Variants in RASGEF1B observed in about 807,000 individuals in gnomAD.
The protein encoded by RASGEF1B is ras-GEF domain-containing family member 1B.
Under a neutral mutation model 65.7 loss-of-function variants are expected in RASGEF1B, and 30 were observed. The ratio of observed to expected loss-of-function variants is 0.46; its 90% CI spans 0.34 to 0.62. RASGEF1B has a LOEUF of 0.62. Ranked by LOEUF, RASGEF1B falls within the 20% of genes least tolerant of loss-of-function variation. RASGEF1B has a pLI of 0.01. For synonymous variants in RASGEF1B, 175 were observed against 194.8 expected (o/e 0.90, Z 0.85); for missense variants, 495 against 580.1 (o/e 0.85, Z 1.51).
At chr4:81,440,807 A>G (rs375570820) in intron 10 of RASGEF1B, 27 bp downstream of exon 10, 14 of 1,458,064 alleles carry the variant, frequency 9.6e-6, no homozygotes, top group Non-Finnish European at 1.3e-5. Context: ...ACTCTACCAT[A>G]AGAAAGATAC....
At chr4:81,456,585 G>T in intron 4 of RASGEF1B, 66 bp downstream of exon 4, 1 of 1,571,908 alleles carries the variant, frequency 6.4e-7, no homozygotes, top group Non-Finnish European at 8.7e-7. Context: ...TGCATAATTC[G>T]GCACCATTTC....
rs202235333 is a variant in RASGEF1B at position 81,466,769 on chromosome 4, AAAAAG to A, written c.-7+4996_-7+5000del. Among the ~76,000 whole-genome samples, 1,080 of 132,704 alleles carry A rather than the reference AAAAAG, an allele frequency of 8.1e-3. 13 individuals carry two copies. The highest frequency in any genetic ancestry group is 0.074 in the East Asian group (326 of 4,398). 87.1% of individuals were successfully genotyped at this position (132,704 alleles called of 152,430 possible). On this transcript the variant is annotated intron_variant, in intron 1 of 13. Coordinates refer to ENST00000264400, the MANE Select transcript of RASGEF1B (RefSeq NM_152545.3). ...GCAAGCCTCCATGTCAAAAAAAAAA[AAAAAG>A]AAAGAAAGAAAGAAAGAAAGAAAGA... is the stretch of plus-strand genomic sequence containing the variant.
Position 81,440,837 on chromosome 4 carries a change from T to C in RASGEF1B, c.1101A>G (p.Glu367=), listed in dbSNP as rs777512580. 6.3e-7 allele frequency: 1 copy of C among 1,594,882 alleles called. No homozygotes were observed. Among genetic ancestry groups the C allele is most frequent in the Non-Finnish European group, 8.6e-7 (1 of 1,164,400 alleles). ...AGATACTTCTTTAAGTGCATACCTT[T>C]TCTCTACTACTATGAGCAGTTAAAG... ...QRSLTAHSSR[E]KIVIPFFSLL... Residue 367 remains glutamate (E), a synonymous_variant, in exon 10 of 14, where the codon GAA becomes GAG. Transcript: ENST00000264400.
chr4:81,429,435 CT>C (rs1250867301), intron 13 of RASGEF1B, among the ~76,000 whole-genome samples: 9 of 152,114 alleles, frequency 5.9e-5, no homozygotes, highest in Non-Finnish European at 1.2e-4. Flanking sequence ...AGCACGGTCC[CT>C]TTAAATGATA....
intron 4 of RASGEF1B, chr4:81,453,186 G>A (rs1722325684): frequency 2.6e-5 from 4 of 152,138 alleles, no homozygotes; most frequent in African/African-American, 9.7e-5. Context: ...TGAGCTAGGA[G>A]TTAAGGATGC....
At chr4:81,437,132 C>T (rs955653359) in intron 10 of RASGEF1B, among the ~76,000 whole-genome samples, 13 of 152,302 alleles carry the variant, frequency 8.5e-5, no homozygotes, top group Middle Eastern at 3.4e-3. Context: ...CAAAAAATTT[C>T]GCTTCAGAAT....
chr4:81,426,963 G>T lies in RASGEF1B; in HGVS notation c.*805C>A, dbSNP rs1012439906. 1.1e-5 allele frequency: 1 copy of T among 94,972 alleles called. No homozygotes were observed. The highest frequency in any genetic ancestry group is 1.9e-5 in the Non-Finnish European group (1 of 51,482). 5.9% of individuals were successfully genotyped at this position (94,972 alleles called of 1,614,324 possible). A position where few individuals can be genotyped will look rare whatever the true frequency, so the allele number is the denominator to read the frequency against. ...CATCTGTGGAACACAGTGGTCAGTTGTAAACAGCTCAGAAGAGCAAAAAAA... is the reference window on the plus strand; with the variant it reads ...CATCTGTGGAACACAGTGGTCAGTTTTAAACAGCTCAGAAGAGCAAAAAAA... On this transcript the variant is annotated 3_prime_UTR_variant, in exon 14 of 14. Coordinates refer to ENST00000264400, the MANE Select transcript of RASGEF1B (RefSeq NM_152545.3).
chr4:81,466,817 A>AGAAAGAAAGGAAG (rs1553947168), intron 1 of RASGEF1B, among the ~76,000 whole-genome samples: 1 of 149,606 alleles, frequency 6.7e-6, no homozygotes, highest in African/African-American at 2.5e-5. Context: ...AAAGAAAGAA[A>AGAAAGAAAGGAAG]GAAAGAAAAT....
At position 81,448,287 on chromosome 4, in the gene RASGEF1B, A is replaced by G. The variant is rs1178977032; in HGVS notation, c.439-3T>C. On this transcript the variant is annotated splice_polypyrimidine_tract_variant and splice_region_variant and intron_variant, in intron 4 of 13. Coordinates refer to ENST00000264400, the MANE Select transcript of RASGEF1B (RefSeq NM_152545.3). ...TGGACATTCTTTCTGTATGTCTGCT[A>G]GGGAATAAGCGAAGAATTACATCCG... The G allele has an allele frequency of 9.3e-6, 15 of 1,611,008 alleles. No individual in the cohort carries two copies. The highest frequency in any genetic ancestry group is 1.3e-5 in the Non-Finnish European group (15 of 1,178,846).
At chr4:81,467,308 T>C (rs540429043) in intron 1 of RASGEF1B, among the ~76,000 whole-genome samples, 1 of 152,322 alleles carries the variant, frequency 6.6e-6, no homozygotes, top group East Asian at 1.9e-4. Flanking sequence ...CTGACTCAAA[T>C]AGTTTACTAT....
In RASGEF1B at chr4:81,448,146, G is replaced by C; in HGVS notation, c.577C>G (p.Gln193Glu). The change falls in exon 5 of 14, where the codon CAG becomes GAG. Residue 193 changes from glutamine to glutamate, a missense_variant. Physicochemically the swap from Gln to Glu is conservative, Grantham distance 29. Transcript: ENST00000264400. The part of the protein sequence containing the change: ...DRLTVLKTKP[Q>E]SIQRDIITVC... ...GTAATGATATCCCTTTGTATAGACT[G>C]TGGCTTGGTCTTGAGAACTGTGAGC... 1 of 1,614,186 alleles carries C rather than the reference G, an allele frequency of 6.2e-7. No homozygotes were observed. Among genetic ancestry groups the C allele is most frequent in the Non-Finnish European group, 8.5e-7 (1 of 1,180,030 alleles).
At chr4:81,447,602 A>G (rs1484238963) in intron 5 of RASGEF1B, 24 bp from the exon 6 acceptor site, 1 of 1,582,642 alleles carries the variant, frequency 6.3e-7, no homozygotes, top group East Asian at 2.2e-5. Flanking sequence ...CCAGAAGGTC[A>G]ACAGTATTAA....
intron 9 of RASGEF1B, among the ~76,000 whole-genome samples, 157 bp downstream of exon 9, chr4:81,442,140 T>C (rs569924756): frequency 6.6e-6 from 1 of 152,304 alleles, no homozygotes; most frequent in African/African-American, 2.4e-5. Flanking sequence ...TGATTTATTT[T>C]CCCCTCCAAT....
intron 10 of RASGEF1B, among the ~76,000 whole-genome samples, chr4:81,437,699 C>T (rs1172848360): frequency 2.0e-5 from 3 of 152,300 alleles, no homozygotes; most frequent in Admixed American, 1.3e-4. Context: ...TATTGACTAT[C>T]TCAATCACTC....
intron 4 of RASGEF1B, 120 bp from the exon 5 acceptor site, chr4:81,448,404 G>C (rs1461274270): frequency 6.3e-6 from 5 of 788,098 alleles, no homozygotes; most frequent in Non-Finnish European, 1.1e-5. Flanking sequence ...ACTTGGTTAA[G>C]GGCAGTTACG....
intron 4 of RASGEF1B, chr4:81,456,390 G>T: frequency 1.7e-6 from 1 of 604,900 alleles, no homozygotes; most frequent in South Asian, 2.0e-5. Flanking sequence ...AAACATACTT[G>T]CAACATAAAT....
chr4:81,456,331 T>C (rs1453968158), intron 4 of RASGEF1B: 5 of 593,146 alleles, frequency 8.4e-6, no homozygotes, highest in Non-Finnish European at 1.5e-5. Flanking sequence ...TCTAACTAGC[T>C]GTGTCAAACC....
intron 6 of RASGEF1B, 51 bp from the exon 7 acceptor site, chr4:81,445,889 G>T (rs753959919): frequency 1.5e-6 from 2 of 1,334,944 alleles, no homozygotes. Flanking sequence ...AAACAATGTA[G>T]TGGACTCTCA....
chr4:81,441,620 C>T (rs1721840972), intron 9 of RASGEF1B, among the ~76,000 whole-genome samples: 1 of 150,416 alleles, frequency 6.6e-6, no homozygotes, highest in South Asian at 2.1e-4. Flanking sequence ...TGGCTCACTA[C>T]AGCTCCCACC....
Sources: allele counts gnomAD v4.1 joint callset (sites outside exome capture counted in the v4.1 genomes callset), GRCh38; gene constraint gnomAD v4.1.1; transcripts MANE v1.5; gene names NCBI Gene and HGNC (gene_info 2026-07-23, HGNC 2026-07-21).